The following NOSIP variants were observed in gnomAD, a reference collection of about 807,000 sequenced individuals.
NOSIP encodes nitric oxide synthase-interacting protein.
A neutral mutation model predicts 36.4 loss-of-function variants in NOSIP; 25 were observed. That is an observed-to-expected ratio of 0.69 (90% CI 0.50 to 0.96). The LOEUF is 0.96. NOSIP is among the 40% of genes least tolerant of loss of function. The pLI is 0.00. For missense variants in NOSIP, 370 were observed against 429.0 expected, an observed-to-expected ratio of 0.86 and a Z score of 1.21; for synonymous variants, 187 against 179.2, an observed-to-expected ratio of 1.04 and a Z score of -0.35.
chr19:49,572,628 C>T (rs1054831914), intron 1 of NOSIP, among the ~76,000 whole-genome samples: 2 of 151,814 alleles, frequency 1.3e-5, no homozygotes, highest in African/African-American at 4.8e-5. Flanking sequence ...GGTTTCACCA[C>T]ATTGGCCTGG....
At chr19:49,566,561 A>C (rs1012956012) in intron 1 of NOSIP, 2 of 152,100 alleles carry the variant, frequency 1.3e-5, no homozygotes, top group Non-Finnish European at 2.9e-5. Context: ...TTGGCCTCCC[A>C]AAGTGCTAGG....
chr19:49,571,034 T>C (rs1423510632), intron 1 of NOSIP, among the ~76,000 whole-genome samples: 1 of 151,996 alleles, frequency 6.6e-6, no homozygotes, highest in Non-Finnish European at 1.5e-5. Context: ...TGGAGTGCAG[T>C]GGTGTGATCT....
rs1270686272 is a variant in NOSIP at position 49,555,910 on chromosome 19, G to A, written c.835-88C>T. On this transcript the variant is annotated intron_variant, in intron 8 of 8. Coordinates refer to ENST00000596358, the MANE Select transcript of NOSIP (RefSeq NM_001270960.2). ...GGTGGTAGTGGGGATTCCTAAGCGG[G>A]TCAAGGTGAAGCGGGTTGCTGGCTA... The A allele has an allele frequency of 1.0e-5, 10 of 979,368 alleles. No individual in the cohort carries two copies. In the Admixed American group the frequency reaches 1.3e-4, roughly 13 times the overall value. 60.7% of individuals were successfully genotyped at this position (979,368 alleles called of 1,614,324 possible).
chr19:49,569,190 A>T (rs1018746647), intron 1 of NOSIP, among the ~76,000 whole-genome samples: 3 of 149,700 alleles, frequency 2.0e-5, no homozygotes, highest in African/African-American at 7.4e-5. Context: ...TACTGTGCAT[A>T]CAATGATACT....
At chr19:49,558,860 C>A in intron 4 of NOSIP, 37 bp downstream of exon 4, 1 of 1,559,622 alleles carries the variant, frequency 6.4e-7, no homozygotes, top group Non-Finnish European at 8.8e-7. Flanking sequence ...TCAAAAGCTC[C>A]TGCCTCCGTG....
rs1460351959 is a variant in NOSIP at position 49,560,797 on chromosome 19, C to T, written c.-1-105G>A. 9 of 874,598 alleles carry T rather than the reference C, an allele frequency of 1.0e-5. No homozygotes were observed. The highest frequency in any genetic ancestry group is 5.3e-5 in the East Asian group (2 of 37,444). The allele number at this position is 874,598 out of a possible 1,614,324, so 54.2% of individuals were successfully genotyped here. On this transcript the variant is annotated intron_variant, in intron 1 of 8. Coordinates refer to ENST00000596358, the MANE Select transcript of NOSIP (RefSeq NM_001270960.2). This position sits in a 1 kb window ranked among gnomAD's most constrained non-coding sequence, Gnocchi z 4.6. ...TGATCTGCCCCCCTTGATGGGAAAG[C>T]GGAGGCGGAGAAGGGGGGTGAGGTG...
In NOSIP at chr19:49,556,332, G is replaced by A; in HGVS notation, c.819C>T (p.Ile273=). ...VTGDKLTDRD[I]IVLQRGGTGF... ...GGACTCTTACCCGCTGCAGCACGAT[G>A]ATGTCGCGGTCTGTGAGTTTGTCTC... Residue 273 remains isoleucine (I), a synonymous_variant, in exon 8 of 9, where the codon ATC becomes ATT. Transcript: ENST00000596358. 5.6e-6 allele frequency: 9 copies of A among 1,612,654 alleles called. No individual in the cohort carries two copies. Among genetic ancestry groups the A allele is most frequent in the Non-Finnish European group, 7.6e-6 (9 of 1,179,288 alleles).
At position 49,556,430 on chromosome 19, in the gene NOSIP, G is replaced by C; in HGVS notation, c.726-5C>G. 2 of 1,611,974 alleles carry C rather than the reference G, an allele frequency of 1.2e-6. No homozygotes were observed. The highest frequency in any genetic ancestry group is 1.7e-4 in the Middle Eastern group (1 of 6,060). ...TCGAGGGTGACCACAGCCCCACTACGGTGAGGCCGAAGGCGGGAGACTCTG... is the reference window on the plus strand; with the variant it reads ...TCGAGGGTGACCACAGCCCCACTACCGTGAGGCCGAAGGCGGGAGACTCTG... On this transcript the variant is annotated splice_polypyrimidine_tract_variant and splice_region_variant and intron_variant, in intron 7 of 8. Transcript: ENST00000596358.
In NOSIP at chr19:49,556,610, C is replaced by G; in HGVS notation, c.664G>C (p.Val222Leu). The change falls in exon 7 of 9, where the codon GTG (valine) becomes CTG (leucine). Residue 222 changes from valine (V) to leucine (L), a missense_variant. Physicochemically the swap from Val to Leu is conservative, Grantham distance 32. This residue lies in a region of NOSIP where 315 missense variants were observed against 331.9 expected (regional missense o/e 0.95). Transcript: ENST00000596358. ...VGLITRSERY[V>L]CAVTRDSLSN... ...AGGCTGTCGCGGGTCACGGCACACA[C>G]GTAGCGCTCGCTGCGGGTGATGAGC... 6.2e-7 allele frequency: 1 copy of G among 1,607,738 alleles called. No homozygotes were observed. Among genetic ancestry groups the G allele is most frequent in the South Asian group, 1.1e-5 (1 of 91,066 alleles).
rs1203417203 is a variant in NOSIP, at chr19:49,557,141, TCACG to T, written c.363_366del (p.Val122AlafsTer45). The T allele has an allele frequency of 6.2e-7, 1 of 1,612,592 alleles. No homozygotes were observed. Among genetic ancestry groups the T allele is most frequent in the Admixed American group, 1.7e-5 (1 of 59,812 alleles). On this transcript the variant is annotated frameshift_variant, in exon 5 of 9. Transcript: ENST00000596358. LOFTEE classifies it high-confidence loss of function. ...GCTGTGAAAGGGTTGAGGGGCCGGC[TCACG>T]ATAGCCGACTCCTTCTCCAGGAAGC...
intron 1 of NOSIP, among the ~76,000 whole-genome samples, chr19:49,561,863 G>A (rs1404115763): frequency 1.4e-5 from 2 of 148,072 alleles, no homozygotes; most frequent in African/African-American, 5.0e-5. Flanking sequence ...AACCTAGACA[G>A]AGCAAGGCTC....
chr19:49,561,546 T>C (rs539285884), intron 1 of NOSIP, among the ~76,000 whole-genome samples: 9 of 152,274 alleles, frequency 5.9e-5, no homozygotes, highest in African/African-American at 1.7e-4. Context: ...TTTAAATGAC[T>C]TTATTGAGAC....
intron 1 of NOSIP, among the ~76,000 whole-genome samples, chr19:49,564,701 A>AAGGGT (rs2080383129): frequency 6.6e-6 from 1 of 152,100 alleles, no homozygotes; most frequent in African/African-American, 2.4e-5. Context: ...CACCTAACAG[A>AAGGGT]AGGGTACACC....
chr19:49,556,431 G>T lies in NOSIP; in HGVS notation c.726-6C>A. Reference sequence around the variant, plus strand: ...CGAGGGTGACCACAGCCCCACTACGGTGAGGCCGAAGGCGGGAGACTCTGA... The same window carrying T: ...CGAGGGTGACCACAGCCCCACTACGTTGAGGCCGAAGGCGGGAGACTCTGA... On this transcript the variant is annotated splice_polypyrimidine_tract_variant and splice_region_variant and intron_variant, in intron 7 of 8. Transcript: ENST00000596358. 8.7e-6 allele frequency: 14 copies of T among 1,613,000 alleles called. No individual in the cohort carries two copies. Among genetic ancestry groups the T allele is most frequent in the Non-Finnish European group, 1.2e-5 (14 of 1,179,510 alleles).
intron 1 of NOSIP, among the ~76,000 whole-genome samples, chr19:49,579,593 T>C (rs193050797): frequency 5.0e-4 from 76 of 152,300 alleles, no homozygotes; most frequent in Non-Finnish European, 1.0e-3. Flanking sequence ...TCTCAGCCCT[T>C]TGTCTCTGAA....
chr19:49,557,035 C>G (rs200095228), intron 5 of NOSIP, 42 bp from the exon 6 acceptor site: 2 of 1,589,674 alleles, frequency 1.3e-6, no homozygotes, highest in East Asian at 2.3e-5. Context: ...CCCCTGGGCC[C>G]GCCCAGCCCG....
intron 1 of NOSIP, among the ~76,000 whole-genome samples, chr19:49,568,797 AG>A (rs2080444511): frequency 1.5e-5 from 2 of 131,078 alleles, no homozygotes; most frequent in African/African-American, 6.6e-5. Flanking sequence ...AAAAAAAAAT[AG>A]TTTGTTTGTT....
At chr19:49,568,797 AGTTTGTTTGT>A (rs1568408561) in intron 1 of NOSIP, among the ~76,000 whole-genome samples, 14 of 131,026 alleles carry the variant, frequency 1.1e-4, no homozygotes, top group African/African-American at 4.3e-4. Flanking sequence ...AAAAAAAAAT[AGTTTGTTTGT>A]TTGTTTTTTT....
chr19:49,555,927 TGCTG>T, intron 8 of NOSIP, 105 bp from the exon 9 acceptor site: 1 of 814,978 alleles, frequency 1.2e-6, no homozygotes, highest in Non-Finnish European at 2.1e-6. Flanking sequence ...TGAAGCGGGT[TGCTG>T]GCTAAGGAGT....
Sources: gnomAD v4.1 joint callset for allele counts (sites outside exome capture counted in the v4.1 genomes callset) on GRCh38, gnomAD v4.1.1 for gene constraint, gnomAD v4.1.1 regional missense constraint, Gnocchi (gnomAD v3.1) non-coding constraint, MANE v1.5 for transcripts, NCBI Gene and HGNC (gene_info 2026-07-23, HGNC 2026-07-21) for gene names.